The following POU2AF2 variants were observed in gnomAD, a reference collection of about 807,000 sequenced individuals.
POU2AF2 encodes POU domain class 2-associating factor 2.
chr11:111,266,097 T>TA, the POU2AF2 span, among the ~76,000 whole-genome samples: 1,576 of 148,790 alleles, frequency 0.011, 56 homozygotes, highest in Admixed American at 0.062. Flanking sequence ...ACTGCCAATT[T>TA]AAAAAAAAAA....
At chr11:111,264,934 A>G in the POU2AF2 span, among the ~76,000 whole-genome samples, 2 of 136,574 alleles carry the variant, frequency 1.5e-5, no homozygotes, top group African/African-American at 5.3e-5. Flanking sequence ...AGAAGAAAGA[A>G]AGAGGGAGGG....
At chr11:111,272,272 C>G in the POU2AF2 span, among the ~76,000 whole-genome samples, 1 of 152,156 alleles carries the variant, frequency 6.6e-6, no homozygotes, top group Non-Finnish European at 1.5e-5. Flanking sequence ...ATCACCTCAT[C>G]ACCACCCCAA....
chr11:111,271,780 A>T, the POU2AF2 span, among the ~76,000 whole-genome samples: 1 of 152,158 alleles, frequency 6.6e-6, no homozygotes, highest in Non-Finnish European at 1.5e-5. Flanking sequence ...TGGGAGGCCA[A>T]CGTGGGTGGA....
the POU2AF2 span, among the ~76,000 whole-genome samples, chr11:111,284,660 C>G: frequency 1.2e-4 from 19 of 152,314 alleles, no homozygotes; most frequent in Admixed American, 5.2e-4. Context: ...ACTGATATTG[C>G]CTGATGTTCC....
chr11:111,264,563 AGAAAGAAAGAAAG>A, the POU2AF2 span, among the ~76,000 whole-genome samples: 1 of 61,178 alleles, frequency 1.6e-5, no homozygotes, highest in Non-Finnish European at 3.2e-5. Context: ...AAAGAAAGAA[AGAAAGAAAGAAAG>A]GGAGAGAGAA....
chr11:111,268,495 T>TTATTTTGAGA, the POU2AF2 span, among the ~76,000 whole-genome samples: 1 of 60,700 alleles, frequency 1.6e-5, no homozygotes. Context: ...TTATTTTATT[T>TTATTTTGAGA]TATTTTATTT....
chr11:111,258,408 C>T, the POU2AF2 span, among the ~76,000 whole-genome samples: 4 of 152,140 alleles, frequency 2.6e-5, no homozygotes, highest in Non-Finnish European at 5.9e-5. Context: ...GAGTGTGTAA[C>T]TCACACCTTG....
the POU2AF2 span, chr11:111,281,483 T>C: frequency 6.2e-7 from 1 of 1,601,316 alleles, no homozygotes; most frequent in Non-Finnish European, 8.6e-7. Flanking sequence ...CTTTTGAATT[T>C]AAATCAAGCA....
the POU2AF2 span, among the ~76,000 whole-genome samples, chr11:111,270,831 G>A: frequency 6.6e-6 from 1 of 152,102 alleles, no homozygotes; most frequent in Non-Finnish European, 1.5e-5. Flanking sequence ...TCTAAAAGGA[G>A]GCCAAATAGA....
At chr11:111,257,182 T>C in the POU2AF2 span, among the ~76,000 whole-genome samples, 1 of 152,176 alleles carries the variant, frequency 6.6e-6, no homozygotes. Flanking sequence ...GAGACAACCA[T>C]GTCCAGTACC....
chr11:111,276,446 AAAAAAAAATATAT>A, the POU2AF2 span, among the ~76,000 whole-genome samples: 69 of 35,096 alleles, frequency 2.0e-3, 2 homozygotes, highest in Middle Eastern at 0.026. Flanking sequence ...AAAGAAAAAA[AAAAAAAAATATAT>A]ATATATATAT....
At chr11:111,286,335 T>C in the POU2AF2 span, 1 of 311,340 alleles carries the variant, frequency 3.2e-6, no homozygotes, top group Non-Finnish European at 5.8e-6. Flanking sequence ...GAATCTTCTG[T>C]TATCTTTGAA....
the POU2AF2 span, among the ~76,000 whole-genome samples, chr11:111,251,668 C>T: frequency 1.3e-5 from 2 of 152,228 alleles, no homozygotes; most frequent in African/African-American, 4.8e-5. Context: ...CTCATTCCAG[C>T]TTAAGTCCCA....
chr11:111,282,338 G>A, the POU2AF2 span, among the ~76,000 whole-genome samples: 1 of 152,070 alleles, frequency 6.6e-6, no homozygotes, highest in Non-Finnish European at 1.5e-5. Context: ...TTTATATTAA[G>A]GTTCAGCTGC....
the POU2AF2 span, among the ~76,000 whole-genome samples, chr11:111,280,057 A>ATATATATAT: frequency 2.1e-4 from 16 of 76,468 alleles, no homozygotes; most frequent in Admixed American, 1.4e-3. Context: ...AAAAAAAAAA[A>ATATATATAT]ATATATATAT....
At chr11:111,251,264 C>T in the POU2AF2 span, among the ~76,000 whole-genome samples, 7 of 152,142 alleles carry the variant, frequency 4.6e-5, no homozygotes, top group Non-Finnish European at 8.8e-5. Context: ...AAAGAATAGG[C>T]TGTGAAAGAT....
At chr11:111,277,394 C>G in the POU2AF2 span, among the ~76,000 whole-genome samples, 1 of 152,092 alleles carries the variant, frequency 6.6e-6, no homozygotes, top group Admixed American at 6.5e-5. Flanking sequence ...AATAATTAGG[C>G]CTGGGCAGAA....
chr11:111,269,874 G>A, the POU2AF2 span, among the ~76,000 whole-genome samples: 4 of 152,146 alleles, frequency 2.6e-5, no homozygotes, highest in Non-Finnish European at 5.9e-5. Flanking sequence ...CTGAAAATGG[G>A]AATTCTGCAA....
the POU2AF2 span, among the ~76,000 whole-genome samples, chr11:111,264,897 G>A: frequency 7.9e-6 from 1 of 126,644 alleles, no homozygotes; most frequent in Admixed American, 9.2e-5. Context: ...GAAAAGAGAA[G>A]GAAGGAAGGA....
Sources: gnomAD v4.1 joint callset for allele counts (sites outside exome capture counted in the v4.1 genomes callset) on GRCh38, gnomAD v4.1.1 for gene constraint, MANE v1.5 for transcripts, NCBI Gene and HGNC (gene_info 2026-07-23, HGNC 2026-07-21) for gene names.